GALNT11: variants seen among roughly 807,000 people sequenced by gnomAD.
GALNT11 encodes UDP-GalNAc:polypeptide N-acetylgalactosaminyltransferase 11.
In GALNT11, 47 loss-of-function variants were observed where a neutral mutation model predicts 72.7. The ratio of observed to expected loss-of-function variants is 0.65; its 90% confidence interval spans 0.51 to 0.82. GALNT11 has a LOEUF of 0.82. GALNT11 is among the 40% of genes least tolerant of loss of function. GALNT11 has a pLI of 0.00. For synonymous variants in GALNT11, 270 were observed against 286.6 expected (o/e 0.94, Z 0.58); for missense variants, 677 against 778.4 (o/e 0.87, Z 1.55).
intron 1 of GALNT11, among the ~76,000 whole-genome samples, chr7:152,073,525 T>C (rs1318524170): frequency 6.6e-6 from 1 of 152,240 alleles, no homozygotes; most frequent in South Asian, 2.1e-4. Flanking sequence ...ATATTCCACA[T>C]TTTCTTTATC....
chr7:152,043,088 C>A (rs944751998), intron 1 of GALNT11, among the ~76,000 whole-genome samples: 1 of 152,172 alleles, frequency 6.6e-6, no homozygotes, highest in African/African-American at 2.4e-5. Context: ...CATTTAATTT[C>A]ACTTTTCCCC....
intron 6 of GALNT11, 34 bp downstream of exon 6, chr7:152,108,321 C>T (rs755171248): frequency 1.9e-6 from 3 of 1,583,496 alleles, no homozygotes; most frequent in Admixed American, 1.7e-5. Context: ...AAATTCCTAC[C>T]AGTGCTTCCT....
chr7:152,085,823 C>T (rs1187797900), intron 1 of GALNT11, among the ~76,000 whole-genome samples: 1 of 152,070 alleles, frequency 6.6e-6, no homozygotes, highest in Admixed American at 6.6e-5. Context: ...AAGCGATGCT[C>T]AGAATCCTCA....
At chr7:152,062,124 T>G (rs546429335) in intron 1 of GALNT11, among the ~76,000 whole-genome samples, 55 of 152,300 alleles carry the variant, frequency 3.6e-4, no homozygotes, top group Non-Finnish European at 4.7e-4. Flanking sequence ...TGTTCTTCCA[T>G]TTGTTTGTGT....
chr7:152,051,838 A>G (rs1396971761), intron 1 of GALNT11, among the ~76,000 whole-genome samples: 1 of 152,228 alleles, frequency 6.6e-6, no homozygotes, highest in African/African-American at 2.4e-5. Context: ...CTTCACTCTG[A>G]CAATTTCTTT....
At chr7:152,068,388 G>C (rs2084437984) in intron 1 of GALNT11, among the ~76,000 whole-genome samples, 1 of 152,084 alleles carries the variant, frequency 6.6e-6, no homozygotes, top group African/African-American at 2.4e-5. Context: ...CCATTGTATG[G>C]ATGTACCACT....
intron 1 of GALNT11, among the ~76,000 whole-genome samples, chr7:152,060,107 T>C (rs902119137): frequency 6.6e-6 from 1 of 152,160 alleles, no homozygotes; most frequent in Non-Finnish European, 1.5e-5. Flanking sequence ...TACACTTTTA[T>C]GTTGTGGAGA....
intron 1 of GALNT11, among the ~76,000 whole-genome samples, chr7:152,079,640 A>G (rs966739348): frequency 2.0e-5 from 3 of 152,190 alleles, no homozygotes; most frequent in African/African-American, 7.2e-5. Flanking sequence ...TTTGCTCTGA[A>G]CCTTTCCTAA....
rs1429384272 is a variant in GALNT11, at chr7:152,094,201, T to C, written c.-27T>C. The C allele has an allele frequency of 1.9e-6, 3 of 1,544,294 alleles. No individual in the cohort carries two copies. Among genetic ancestry groups the C allele is most frequent in the South Asian group, 1.3e-5 (1 of 79,478 alleles). ...TTCTTCTTTTTTAGGAAATTGACAA[T>C]GGCCCTTCAGCTATGCTAGGTCTAT... is the stretch of plus-strand genomic sequence containing the variant. On this transcript the variant is annotated 5_prime_UTR_variant, in exon 2 of 12. The change abolishes an upstream ATG in the 5' untranslated region. Coordinates refer to ENST00000430044, the MANE Select transcript of GALNT11 (RefSeq NM_022087.4). This position sits in a 1 kb window ranked among gnomAD's most constrained non-coding sequence, Gnocchi z 4.3.
intron 1 of GALNT11, among the ~76,000 whole-genome samples, chr7:152,047,901 G>C (rs568696284): frequency 1.3e-5 from 2 of 151,668 alleles, no homozygotes; most frequent in Admixed American, 6.5e-5. Flanking sequence ...TGATCAGTTC[G>C]TCTTTTAGTC....
At chr7:152,107,093 G>A (rs2087643386) in intron 5 of GALNT11, among the ~76,000 whole-genome samples, 1 of 152,042 alleles carries the variant, frequency 6.6e-6, no homozygotes, top group Non-Finnish European at 1.5e-5. Flanking sequence ...AGTTGAAGTT[G>A]GATAGATAAC....
intron 1 of GALNT11, among the ~76,000 whole-genome samples, chr7:152,060,627 C>T (rs528475404): frequency 6.6e-6 from 1 of 151,916 alleles, no homozygotes; most frequent in Admixed American, 6.6e-5. Context: ...CCTCCCCCCC[C>T]TCCACCCCAC....
chr7:152,051,746 A>G lies in GALNT11; in HGVS notation c.-39+25862A>G, dbSNP rs114619941. On this transcript the variant is annotated intron_variant, in intron 1 of 11. Coordinates refer to ENST00000430044, the MANE Select transcript of GALNT11 (RefSeq NM_022087.4). ...TCTACTCTGCCTAAGCAAAAATAGG[A>G]AATAGAAAAACCTCTCTTTATGCTC... Among the ~76,000 whole-genome samples the G allele has an allele frequency of 5.3e-3, 805 of 151,080 alleles. 8 individuals are homozygous for G. The highest frequency in any genetic ancestry group is 0.019 in the African/African-American group (774 of 40,338).
chr7:152,116,400 C>G (rs1309344857), intron 8 of GALNT11, among the ~76,000 whole-genome samples: 2 of 152,090 alleles, frequency 1.3e-5, no homozygotes, highest in Non-Finnish European at 2.9e-5. Flanking sequence ...CCACTCCCAA[C>G]TAATTTTTGT....
At position 152,105,245 on chromosome 7, in the gene GALNT11, A is replaced by G. The variant is rs374784544; in HGVS notation, c.587A>G (p.Asp196Gly). ...IILVDDDSDF[D>G]DLKGELDEYV... is the part of the protein sequence containing the mutation. Reference sequence around the variant, plus strand: ...AATAATTGTGGGACTTTATTTTCAGATGATTTGAAAGGAGAACTAGATGAA... The same window carrying G: ...AATAATTGTGGGACTTTATTTTCAGGTGATTTGAAAGGAGAACTAGATGAA... The change falls in exon 5 of 12, where the codon GAT becomes GGT. Residue 196 changes from aspartate (D) to glycine (G), a missense_variant and splice_region_variant. Coordinates refer to ENST00000430044, the MANE Select transcript of GALNT11 (RefSeq NM_022087.4). The G allele has an allele frequency of 1.9e-6, 3 of 1,612,376 alleles. No homozygotes were observed. The African/African-American group carries it at 4.0e-5, about 22-fold the overall frequency.
chr7:152,077,802 G>A (rs371200474), intron 1 of GALNT11, among the ~76,000 whole-genome samples: 3 of 152,090 alleles, frequency 2.0e-5, no homozygotes, highest in South Asian at 2.1e-4. Flanking sequence ...ACAAGAACCC[G>A]CACAGATAAC....
At chr7:152,093,366 C>T (rs1347123722) in intron 1 of GALNT11, among the ~76,000 whole-genome samples, 1 of 151,914 alleles carries the variant, frequency 6.6e-6, no homozygotes, top group Admixed American at 6.6e-5. Flanking sequence ...TTAGAGTGCA[C>T]ACTAGGGCAG....
At chr7:152,082,970 G>C (rs950740524) in intron 1 of GALNT11, among the ~76,000 whole-genome samples, 1 of 152,116 alleles carries the variant, frequency 6.6e-6, no homozygotes, top group Non-Finnish European at 1.5e-5. Flanking sequence ...AAGGTTGTTG[G>C]TCCTTTATTT....
At chr7:152,041,602 A>G (rs2082863466) in intron 1 of GALNT11, among the ~76,000 whole-genome samples, 1 of 152,226 alleles carries the variant, frequency 6.6e-6, no homozygotes, top group Non-Finnish European at 1.5e-5. Flanking sequence ...GCAAATCTAG[A>G]GTCTTCTCTG....
Sources: gnomAD v4.1 joint callset for allele counts (sites outside exome capture counted in the v4.1 genomes callset) on GRCh38, gnomAD v4.1.1 for gene constraint, Gnocchi (gnomAD v3.1) non-coding constraint, MANE v1.5 for transcripts, NCBI Gene and HGNC (gene_info 2026-07-23, HGNC 2026-07-21) for gene names.